The following TAFA1 variants were observed in gnomAD, a reference collection of about 807,000 sequenced individuals.
TAFA1 encodes TAFA chemokine like family member 1.
TAFA1 carries 4 observed loss-of-function variants against 18.5 expected under a neutral mutation model. The ratio of observed to expected loss-of-function variants is 0.22; its 90% CI spans 0.11 to 0.49. TAFA1 has a LOEUF of 0.49. Ranked by LOEUF, TAFA1 falls within the 20% of genes least tolerant of loss-of-function variation. TAFA1 has a pLI of 0.98. For missense variants in TAFA1, 147 were observed against 169.0 expected (o/e 0.87, Z 0.72); for synonymous variants, 56 against 55.2 (o/e 1.01, Z -0.06).
intron 3 of TAFA1, among the ~76,000 whole-genome samples, chr3:68,459,108 C>T (rs1298360559): frequency 6.6e-6 from 1 of 152,122 alleles, no homozygotes; most frequent in African/African-American, 2.4e-5. Flanking sequence ...CCCACATTTG[C>T]CCGTCATTGA....
At chr3:68,415,318 C>T (rs1415007509) in intron 2 of TAFA1, among the ~76,000 whole-genome samples, 1 of 152,140 alleles carries the variant, frequency 6.6e-6, no homozygotes, top group Non-Finnish European at 1.5e-5. Context: ...CAACCTTGAC[C>T]CCAGTCAAGC....
intron 2 of TAFA1, among the ~76,000 whole-genome samples, chr3:68,287,118 T>A (rs1402548947): frequency 6.6e-6 from 1 of 152,186 alleles, no homozygotes; most frequent in Non-Finnish European, 1.5e-5. Context: ...GTGGAGACCC[T>A]ATTTGCCAAG....
At chr3:68,064,526 A>T (rs1414617157) in intron 2 of TAFA1, among the ~76,000 whole-genome samples, 1 of 152,194 alleles carries the variant, frequency 6.6e-6, no homozygotes, top group Non-Finnish European at 1.5e-5. Context: ...GCTAAATGAG[A>T]CGCGGTGCTC....
intron 2 of TAFA1, among the ~76,000 whole-genome samples, chr3:68,075,830 G>A (rs2064816438): frequency 6.6e-6 from 1 of 151,930 alleles, no homozygotes. Context: ...CCTACTGGCT[G>A]GGACTACAGG....
intron 2 of TAFA1, among the ~76,000 whole-genome samples, chr3:68,022,161 G>T (rs1704704825): frequency 6.6e-6 from 1 of 152,084 alleles, no homozygotes; most frequent in Non-Finnish European, 1.5e-5. Flanking sequence ...GTCACTAAGG[G>T]TAGTTTATTA....
intron 2 of TAFA1, among the ~76,000 whole-genome samples, chr3:68,101,662 C>T (rs2065149013): frequency 6.6e-6 from 1 of 152,114 alleles, no homozygotes; most frequent in African/African-American, 2.4e-5. Context: ...CAATACTTCC[C>T]ATGTCTTGTG....
At chr3:68,465,218 C>T (rs1395068744) in intron 3 of TAFA1, among the ~76,000 whole-genome samples, 4 of 152,106 alleles carry the variant, frequency 2.6e-5, no homozygotes, top group African/African-American at 9.7e-5. Context: ...GATCCTCTTT[C>T]CTCTTTGTGC....
intron 2 of TAFA1, among the ~76,000 whole-genome samples, chr3:68,052,461 G>A (rs957809034): frequency 1.3e-5 from 2 of 152,046 alleles, no homozygotes; most frequent in African/African-American, 4.8e-5. Context: ...TGGAACTTTG[G>A]ACTCATTAAA....
At chr3:68,397,312 GC>G (rs916196898) in intron 2 of TAFA1, among the ~76,000 whole-genome samples, 3 of 151,922 alleles carry the variant, frequency 2.0e-5, no homozygotes, top group Non-Finnish European at 4.4e-5. Flanking sequence ...CCCTCCCCTT[GC>G]CCCCTACCCG....
intron 2 of TAFA1, among the ~76,000 whole-genome samples, chr3:68,172,456 A>G (rs2066068086): frequency 6.6e-6 from 1 of 152,206 alleles, no homozygotes. Flanking sequence ...GTGGGATTAT[A>G]AAAGGTTGCA....
At chr3:68,026,350 C>T (rs1345655610) in intron 2 of TAFA1, among the ~76,000 whole-genome samples, 1 of 151,950 alleles carries the variant, frequency 6.6e-6, no homozygotes, top group Non-Finnish European at 1.5e-5. Context: ...TCCATCCCCA[C>T]CGAGAGGGTC....
At chr3:68,101,953 A>C (rs1310700153) in intron 2 of TAFA1, among the ~76,000 whole-genome samples, 1 of 152,192 alleles carries the variant, frequency 6.6e-6, no homozygotes, top group Non-Finnish European at 1.5e-5. Context: ...AAATTGCATG[A>C]AGAATGCTAA....
chr3:68,120,261 CT>C (rs869279777), intron 2 of TAFA1, among the ~76,000 whole-genome samples: 5 of 88,240 alleles, frequency 5.7e-5, no homozygotes, highest in Non-Finnish European at 1.1e-4. Flanking sequence ...TTCTTTCTTT[CT>C]TTTTTGAGAC....
chr3:68,462,675 A>G (rs1337908671), intron 3 of TAFA1, among the ~76,000 whole-genome samples: 2 of 152,152 alleles, frequency 1.3e-5, no homozygotes, highest in Admixed American at 6.6e-5. Flanking sequence ...GTCTTAAGTC[A>G]TATCATCAGG....
chr3:68,261,093 A>T (rs1279603220), intron 2 of TAFA1, among the ~76,000 whole-genome samples: 4 of 152,166 alleles, frequency 2.6e-5, no homozygotes, highest in Non-Finnish European at 5.9e-5. Flanking sequence ...AACCATCAAA[A>T]AGTGGGCGAA....
At chr3:68,447,266 A>T (rs2071485620) in intron 3 of TAFA1, among the ~76,000 whole-genome samples, 1 of 152,176 alleles carries the variant, frequency 6.6e-6, no homozygotes, top group African/African-American at 2.4e-5. Context: ...GAAAACTGAG[A>T]TGTAGAAAAC....
At chr3:68,035,505 A>C (rs1363607489) in intron 2 of TAFA1, among the ~76,000 whole-genome samples, 2 of 152,204 alleles carry the variant, frequency 1.3e-5, no homozygotes, top group Non-Finnish European at 2.9e-5. Context: ...TATCTCATCT[A>C]AAAAATTCCG....
intron 2 of TAFA1, among the ~76,000 whole-genome samples, chr3:68,129,766 G>A (rs2065515380): frequency 6.6e-6 from 1 of 152,170 alleles, no homozygotes; most frequent in South Asian, 2.1e-4. Flanking sequence ...CTGTAATACA[G>A]TGTTTGACAT....
At chr3:68,032,538 A>G (rs1406278453) in intron 2 of TAFA1, among the ~76,000 whole-genome samples, 1 of 152,164 alleles carries the variant, frequency 6.6e-6, no homozygotes. Context: ...ACATCCTAGA[A>G]CACAGAGTGA....
Sources: gnomAD v4.1 joint callset for allele counts (sites outside exome capture counted in the v4.1 genomes callset) on GRCh38, gnomAD v4.1.1 for gene constraint, MANE v1.5 for transcripts, NCBI Gene and HGNC (gene_info 2026-07-23, HGNC 2026-07-21) for gene names.